Variants in WDFY3 observed in about 807,000 individuals in gnomAD.
The protein encoded by WDFY3 is WD repeat and FYVE domain-containing protein 3.
In WDFY3, 66 loss-of-function variants were observed where a neutral mutation model predicts 409.6. The ratio of observed to expected loss-of-function variants is 0.16; its 90% confidence interval spans 0.13 to 0.20. WDFY3 has a LOEUF of 0.20. WDFY3 is among the 10% of genes least tolerant of loss of function. The pLI, the probability that WDFY3 is intolerant of heterozygous loss-of-function variation, is 1.00. For synonymous variants in WDFY3, 1,521 were observed against 1,537.1 expected (o/e 0.99, Z 0.25); for missense variants, 3,031 against 4,298.1 (o/e 0.71, Z 8.24).
chr4:84,902,969 GTATTATTA>G (rs1766542253), intron 2 of WDFY3, among the ~76,000 whole-genome samples: 1 of 152,142 alleles, frequency 6.6e-6, no homozygotes, highest in African/African-American at 2.4e-5. Flanking sequence ...CTCAAGATGT[GTATTATTA>G]GGATTTAAGA....
At chr4:84,814,895 G>A (rs1753054247) in intron 13 of WDFY3, among the ~76,000 whole-genome samples, 2 of 152,234 alleles carry the variant, frequency 1.3e-5, no homozygotes, top group South Asian at 4.1e-4. Context: ...GTCTTAGAAT[G>A]TATTCCCCCG....
intron 36 of WDFY3, among the ~76,000 whole-genome samples, chr4:84,747,350 T>G (rs946890797): frequency 2.0e-5 from 3 of 152,162 alleles, no homozygotes; most frequent in African/African-American, 7.2e-5. Flanking sequence ...ATTTTGAGAC[T>G]CCTGATTCTG....
chr4:84,887,702 C>A (rs1244922008), intron 3 of WDFY3, among the ~76,000 whole-genome samples: 1 of 152,132 alleles, frequency 6.6e-6, no homozygotes, highest in Non-Finnish European at 1.5e-5. Context: ...AAGCAGCTTG[C>A]CAAAAAGATC....
chr4:84,794,807 A>C, intron 20 of WDFY3, 70 bp from the exon 21 acceptor site: 1 of 1,519,960 alleles, frequency 6.6e-7, no homozygotes, highest in South Asian at 1.3e-5. Context: ...TGCCAACAAA[A>C]GCAAATAAAC....
chr4:84,955,489 C>T (rs1774131731), intron 1 of WDFY3, among the ~76,000 whole-genome samples: 1 of 152,096 alleles, frequency 6.6e-6, no homozygotes, highest in Non-Finnish European at 1.5e-5. Context: ...TCTTCATCCT[C>T]TGAAGAGGAC....
intron 17 of WDFY3, among the ~76,000 whole-genome samples, chr4:84,798,737 T>C (rs1471463294): frequency 6.6e-6 from 1 of 152,204 alleles, no homozygotes; most frequent in East Asian, 1.9e-4. Flanking sequence ...CCAGACCATA[T>C]TATTTTACTA....
chr4:84,723,827 T>C (rs950616108), intron 46 of WDFY3, among the ~76,000 whole-genome samples: 27 of 152,148 alleles, frequency 1.8e-4, no homozygotes, highest in Non-Finnish European at 3.7e-4. Context: ...GTAGGGATAA[T>C]GGAGAAGCTG....
intron 4 of WDFY3, among the ~76,000 whole-genome samples, chr4:84,850,766 A>G: frequency 6.6e-6 from 1 of 152,132 alleles, no homozygotes; most frequent in Admixed American, 6.5e-5. Flanking sequence ...TTCATGTCTC[A>G]GAATTTCCTC....
intron 3 of WDFY3, among the ~76,000 whole-genome samples, chr4:84,885,603 G>A (rs1381057967): frequency 6.6e-6 from 1 of 151,924 alleles, no homozygotes; most frequent in Admixed American, 6.6e-5. Context: ...CAATCCCACT[G>A]GAAAAAAGGC....
chr4:84,769,776 TATG>T (rs1471355006), intron 30 of WDFY3, among the ~76,000 whole-genome samples: 2 of 152,144 alleles, frequency 1.3e-5, no homozygotes, highest in Non-Finnish European at 2.9e-5. Context: ...TGGGGAACAG[TATG>T]ATATTTCAAT....
chr4:84,710,477 G>T lies in WDFY3; in HGVS notation c.8043-1130C>A, dbSNP rs376724696. ...TAATTGGTCATGGAACCAGGAGAAA[G>T]TATTTATATATTTTCTTTTCTGAGA... On this transcript the variant is annotated intron_variant, in intron 51 of 67. Coordinates refer to ENST00000295888, the MANE Select transcript of WDFY3 (RefSeq NM_014991.6). Among the ~76,000 whole-genome samples, 3 of 152,244 alleles carry T rather than the reference G, an allele frequency of 2.0e-5. No homozygotes were observed. In the South Asian group the frequency reaches 6.2e-4, roughly 32 times the overall value.
intron 5 of WDFY3, 107 bp downstream of exon 5, chr4:84,849,795 C>G: frequency 1.4e-6 from 2 of 1,460,610 alleles, no homozygotes; most frequent in South Asian, 2.5e-5. Context: ...TAAATGAACT[C>G]AATGTGCTGA....
At chr4:84,766,404 T>G in intron 30 of WDFY3, 32 bp from the exon 31 acceptor site, 1 of 1,549,044 alleles carries the variant, frequency 6.5e-7, no homozygotes. Flanking sequence ...TAAATCTCCC[T>G]AGTAGATAAG....
intron 2 of WDFY3, among the ~76,000 whole-genome samples, chr4:84,926,859 G>GA (rs1472525096): frequency 7.9e-5 from 12 of 152,072 alleles, no homozygotes; most frequent in Middle Eastern, 6.8e-3. Context: ...TTTTTTCTAA[G>GA]AAAAAAATTA....
At chr4:84,745,820 G>A (rs1308274303) in intron 36 of WDFY3, among the ~76,000 whole-genome samples, 1 of 152,090 alleles carries the variant, frequency 6.6e-6, no homozygotes, top group Non-Finnish European at 1.5e-5. Context: ...GTCCTTTCAA[G>A]CCGATACTAC....
intron 58 of WDFY3, among the ~76,000 whole-genome samples, chr4:84,694,289 G>A (rs960071117): frequency 6.6e-6 from 1 of 152,150 alleles, no homozygotes; most frequent in Non-Finnish European, 1.5e-5. Context: ...AGAGCACTGC[G>A]CCAGGCTGCG....
intron 9 of WDFY3, among the ~76,000 whole-genome samples, chr4:84,828,443 T>C (rs1755180434): frequency 6.6e-6 from 1 of 152,220 alleles, no homozygotes; most frequent in Admixed American, 6.5e-5. Context: ...GAAGAGTTTA[T>C]ACTTTAAGAA....
intron 2 of WDFY3, among the ~76,000 whole-genome samples, chr4:84,912,215 G>C (rs919320633): frequency 6.6e-6 from 1 of 152,296 alleles, no homozygotes; most frequent in Non-Finnish European, 1.5e-5. Flanking sequence ...GAAAAGTCAT[G>C]ACATAACAAG....
intron 44 of WDFY3, among the ~76,000 whole-genome samples, chr4:84,728,589 C>T (rs1429968164): frequency 1.3e-5 from 2 of 152,046 alleles, no homozygotes; most frequent in African/African-American, 2.4e-5. Flanking sequence ...ATAAGTACAA[C>T]AAAACAGACC....
Sources: allele counts gnomAD v4.1 joint callset (sites outside exome capture counted in the v4.1 genomes callset), GRCh38; gene constraint gnomAD v4.1.1; transcripts MANE v1.5; gene names NCBI Gene and HGNC (gene_info 2026-07-23, HGNC 2026-07-21).